SLC24A2: variants seen among roughly 807,000 people sequenced by gnomAD.
SLC24A2 encodes the protein sodium/potassium/calcium exchanger 2.
SLC24A2 carries 36 observed loss-of-function variants against 62.0 expected under a neutral mutation model. The ratio of observed to expected loss-of-function variants is 0.58; its 90% CI spans 0.44 to 0.77. SLC24A2 has a LOEUF of 0.77. Among genes scored for constraint, SLC24A2 ranks in the 30% least tolerant of loss-of-function variants. The probability of loss-of-function intolerance (pLI) is 0.00; values close to 1 mark genes in which losing one functional copy is unlikely to be tolerated. For synonymous variants in SLC24A2, 358 were observed against 294.0 expected, an observed-to-expected ratio of 1.22 and a Z score of -2.23; for missense variants, 846 against 817.9, an observed-to-expected ratio of 1.03 and a Z score of -0.42.
At chr9:19,932,328 G>A in the SLC24A2 span, among the ~76,000 whole-genome samples, 2 of 152,126 alleles carry the variant, frequency 1.3e-5, no homozygotes, top group African/African-American at 2.4e-5. Flanking sequence ...ATTCACTGCC[G>A]AATAATGTTA....
chr9:20,094,979 G>A, the SLC24A2 span, among the ~76,000 whole-genome samples: 1 of 152,024 alleles, frequency 6.6e-6, no homozygotes, highest in Non-Finnish European at 1.5e-5. Context: ...ATCTGAAAAA[G>A]CTATTAAAAA....
chr9:19,652,864 C>T (rs543312807), intron 2 of SLC24A2, among the ~76,000 whole-genome samples: 2 of 151,922 alleles, frequency 1.3e-5, no homozygotes, highest in South Asian at 2.1e-4. Flanking sequence ...AACCAATATT[C>T]GTGAAGCCCC....
At chr9:20,225,831 A>G in the SLC24A2 span, among the ~76,000 whole-genome samples, 5 of 151,748 alleles carry the variant, frequency 3.3e-5, no homozygotes, top group East Asian at 2.0e-4. Flanking sequence ...CTCAATGGCC[A>G]TGGGTCTGAG....
At chr9:19,763,595 T>C (rs1211633437) in intron 2 of SLC24A2, among the ~76,000 whole-genome samples, 1 of 152,218 alleles carries the variant, frequency 6.6e-6, no homozygotes, top group Admixed American at 6.5e-5. Context: ...ACTGGTTCTG[T>C]TTATGTGATG....
the SLC24A2 span, among the ~76,000 whole-genome samples, chr9:20,249,886 C>G: frequency 6.6e-6 from 1 of 152,158 alleles, no homozygotes; most frequent in Non-Finnish European, 1.5e-5. Context: ...AAGCCTTACA[C>G]ATAGACTCAT....
chr9:19,714,438 C>CAAAAT (rs71335445), intron 2 of SLC24A2, among the ~76,000 whole-genome samples: 23,291 of 151,836 alleles, frequency 0.15, 2,227 homozygotes, highest in Non-Finnish European at 0.22. Context: ...TAAAATAAAA[C>CAAAAT]AAAATAAAAT....
chr9:20,242,382 CA>C, the SLC24A2 span, among the ~76,000 whole-genome samples: 2 of 152,324 alleles, frequency 1.3e-5, no homozygotes, highest in African/African-American at 4.8e-5. Flanking sequence ...TTGATTTTAT[CA>C]CATCCAAGGT....
chr9:20,060,590 C>T, the SLC24A2 span, among the ~76,000 whole-genome samples: 6 of 151,866 alleles, frequency 4.0e-5, no homozygotes, highest in Admixed American at 6.6e-5. Context: ...TCAACAAAAC[C>T]CAACACTGAT....
intron 2 of SLC24A2, among the ~76,000 whole-genome samples, chr9:19,756,729 G>A (rs1164791997): frequency 1.3e-5 from 2 of 151,990 alleles, no homozygotes; most frequent in Admixed American, 6.6e-5. Context: ...TTCAGACCAG[G>A]CTCTTTGAAA....
At chr9:19,828,064 A>G in the SLC24A2 span, among the ~76,000 whole-genome samples, 1 of 152,146 alleles carries the variant, frequency 6.6e-6, no homozygotes, top group Non-Finnish European at 1.5e-5. Flanking sequence ...CAACATTATT[A>G]TTTTTTAATG....
chr9:19,987,796 T>A, the SLC24A2 span, among the ~76,000 whole-genome samples: 257 of 152,300 alleles, frequency 1.7e-3, 1 homozygote, highest in African/African-American at 5.7e-3. Flanking sequence ...CATCCAGTTA[T>A]CACGCTTCCC....
At chr9:19,829,810 T>TATAC in the SLC24A2 span, among the ~76,000 whole-genome samples, 3 of 34,140 alleles carry the variant, frequency 8.8e-5, no homozygotes, top group South Asian at 1.4e-3. Context: ...TATATATATA[T>TATAC]ACACACACAC....
intron 3 of SLC24A2, among the ~76,000 whole-genome samples, chr9:19,621,491 A>G (rs1817908009): frequency 6.6e-6 from 1 of 152,210 alleles, no homozygotes. Flanking sequence ...AATGCATTGT[A>G]TTATTAGTTA....
chr9:20,286,239 A>C, the SLC24A2 span, among the ~76,000 whole-genome samples: 2 of 152,230 alleles, frequency 1.3e-5, no homozygotes, highest in African/African-American at 4.8e-5. Flanking sequence ...CCAAGCTACC[A>C]TGGCTTGACC....
chr9:19,530,080 T>G (rs980221936), intron 8 of SLC24A2, among the ~76,000 whole-genome samples: 4 of 5,100 alleles, frequency 7.8e-4, no homozygotes, highest in South Asian at 0.048. Flanking sequence ...AAAAGCAGCT[T>G]TTTTTTTTTT....
At chr9:20,056,934 T>C in the SLC24A2 span, among the ~76,000 whole-genome samples, 1 of 152,230 alleles carries the variant, frequency 6.6e-6, no homozygotes, top group African/African-American at 2.4e-5. Context: ...TTTTAAATTG[T>C]TTGGAGAGAG....
chr9:19,570,245 C>T (rs769283845), intron 7 of SLC24A2, among the ~76,000 whole-genome samples: 16 of 152,366 alleles, frequency 1.1e-4, no homozygotes, highest in South Asian at 2.1e-4. Flanking sequence ...GTTCTATCCT[C>T]TTTCTCTCCA....
chr9:20,192,796 C>G, the SLC24A2 span, among the ~76,000 whole-genome samples: 1 of 152,114 alleles, frequency 6.6e-6, no homozygotes, highest in African/African-American at 2.4e-5. Flanking sequence ...AACATGCAGC[C>G]AAGGTTGAGA....
At chr9:19,541,666 T>C (rs1162134302) in intron 8 of SLC24A2, among the ~76,000 whole-genome samples, 7 of 148,752 alleles carry the variant, frequency 4.7e-5, no homozygotes, top group African/African-American at 1.5e-4. Context: ...TTTGTTTGTC[T>C]GTGCCCTGCC....
Sources: allele counts gnomAD v4.1 joint callset (sites outside exome capture counted in the v4.1 genomes callset), GRCh38; gene constraint gnomAD v4.1.1; transcripts MANE v1.5; gene names NCBI Gene and HGNC (gene_info 2026-07-23, HGNC 2026-07-21).